The following LPGAT1 variants were observed in gnomAD, a reference collection of about 807,000 sequenced individuals.
The protein encoded by LPGAT1 is lysophosphatidylglycerol acyltransferase 1, also known as acyl-CoA:lysophosphatidylglycerol acyltransferase 1.
In LPGAT1, 11 loss-of-function variants were observed where a neutral mutation model predicts 47.5. That is an observed-to-expected ratio of 0.23 (90% CI 0.15 to 0.38). The LOEUF (loss-of-function observed/expected upper bound fraction) is 0.38, where lower values mean the gene tolerates loss of function less well. Ranked by LOEUF, LPGAT1 falls within the 10% of genes least tolerant of loss-of-function variation. The pLI is 1.00. For missense variants in LPGAT1, 293 were observed against 439.0 expected (o/e 0.67, Z 2.97); for synonymous variants, 138 against 144.2 (o/e 0.96, Z 0.31).
At position 211,749,860 on chromosome 1, in the gene LPGAT1, T is replaced by C; in HGVS notation, c.*39A>G. ...TAATGCACACTTATGAAAGAAAGTC[T>C]GAACTCCTACGGTGACCTTGACAAG... On this transcript the variant is annotated 3_prime_UTR_variant, in exon 8 of 8. Coordinates refer to ENST00000366997, the MANE Select transcript of LPGAT1 (RefSeq NM_014873.3). The C allele has an allele frequency of 6.2e-7, 1 of 1,600,040 alleles. No individual in the cohort carries two copies. The highest frequency in any genetic ancestry group is 8.5e-7 in the Non-Finnish European group (1 of 1,174,078).
At chr1:211,809,127 C>T (rs538416208) in intron 2 of LPGAT1, among the ~76,000 whole-genome samples, 127 of 152,072 alleles carry the variant, frequency 8.4e-4, no homozygotes, top group African/African-American at 2.9e-3. Context: ...ATGGCGTCAA[C>T]CTGGGAGGTG....
At position 211,748,119 on chromosome 1, in the gene LPGAT1, C is replaced by CT. The variant is rs1657016324; in HGVS notation, c.*1779dup. ...TTATTTAAAAATAGAAAACAGCAAC[C>CT]TTTTTTTGTTTTATAGCCTACTTCT... On this transcript the variant is annotated 3_prime_UTR_variant, in exon 8 of 8. Coordinates refer to ENST00000366997, the MANE Select transcript of LPGAT1 (RefSeq NM_014873.3). The CT allele has an allele frequency of 6.6e-6, 1 of 152,112 alleles. No individual in the cohort carries two copies. The highest frequency in any genetic ancestry group is 2.1e-4 in the South Asian group (1 of 4,796). The allele number at this position is 152,112 out of a possible 1,614,324, so 9.4% of individuals were successfully genotyped here.
At chr1:211,801,106 C>A (rs1160517572) in intron 2 of LPGAT1, among the ~76,000 whole-genome samples, 1 of 152,168 alleles carries the variant, frequency 6.6e-6, no homozygotes, top group African/African-American at 2.4e-5. Flanking sequence ...CAAGAACAGA[C>A]AGTTGAAGGG....
chr1:211,774,801 G>A lies in LPGAT1; in HGVS notation c.854+4117C>T, dbSNP rs536310968. Among the ~76,000 whole-genome samples, 31 of 152,068 alleles carry A rather than the reference G, an allele frequency of 2.0e-4. No individual in the cohort carries two copies. In the South Asian group the frequency reaches 4.2e-3, roughly 20 times the overall value. The stretch of plus-strand genomic sequence containing the variant: ...ACATAAGCCTGAGTAGTAAATTAAC[G>A]GAGAAAACTGCTATTGGAAGAAATA... On this transcript the variant is annotated intron_variant, in intron 6 of 7. Transcript: ENST00000366997.
intron 6 of LPGAT1, among the ~76,000 whole-genome samples, chr1:211,777,091 C>A (rs956957366): frequency 2.0e-5 from 3 of 152,110 alleles, no homozygotes; most frequent in African/African-American, 7.2e-5. Flanking sequence ...AACGAAAATT[C>A]TGAATTAAAA....
chr1:211,769,279 C>T (rs1658065377), intron 6 of LPGAT1, among the ~76,000 whole-genome samples: 1 of 152,030 alleles, frequency 6.6e-6, no homozygotes, highest in African/African-American at 2.4e-5. Context: ...AAAAGATTTC[C>T]TGACTGAGTG....
chr1:211,798,095 T>C (rs1659420650), intron 2 of LPGAT1, among the ~76,000 whole-genome samples: 1 of 152,036 alleles, frequency 6.6e-6, no homozygotes, highest in Admixed American at 6.6e-5. Flanking sequence ...TTAACAACAG[T>C]GACACTAAAG....
chr1:211,769,574 C>T (rs528186199), intron 6 of LPGAT1, among the ~76,000 whole-genome samples: 4 of 152,256 alleles, frequency 2.6e-5, no homozygotes, highest in Admixed American at 2.6e-4. Flanking sequence ...AAAAGAATGG[C>T]TACTCCATAG....
At chr1:211,826,468 A>C (rs1014512113) in intron 2 of LPGAT1, among the ~76,000 whole-genome samples, 1 of 152,208 alleles carries the variant, frequency 6.6e-6, no homozygotes, top group Non-Finnish European at 1.5e-5. Flanking sequence ...CCTAGTACTG[A>C]GCACTTGAAA....
chr1:211,769,451 G>A (rs1658071825), intron 6 of LPGAT1, among the ~76,000 whole-genome samples: 1 of 152,036 alleles, frequency 6.6e-6, no homozygotes, highest in Admixed American at 6.6e-5. Flanking sequence ...AGAGTGTTAT[G>A]GGAAAGGGGT....
At chr1:211,806,091 C>T (rs147900776) in intron 2 of LPGAT1, among the ~76,000 whole-genome samples, 3,392 of 152,068 alleles carry the variant, frequency 0.022, 126 homozygotes, top group African/African-American at 0.077. Flanking sequence ...AAAACATCAT[C>T]TCTACTAAAA....
chr1:211,777,305 A>G (rs1352077786), intron 6 of LPGAT1, among the ~76,000 whole-genome samples: 1 of 152,138 alleles, frequency 6.6e-6, no homozygotes, highest in East Asian at 1.9e-4. Context: ...TTTGCTCTCC[A>G]TTTCTGAACA....
At chr1:211,775,726 C>T (rs1010560202) in intron 6 of LPGAT1, among the ~76,000 whole-genome samples, 2 of 151,842 alleles carry the variant, frequency 1.3e-5, no homozygotes, top group Non-Finnish European at 2.9e-5. Context: ...GTCGGGAGTT[C>T]GAGACCAGCC....
chr1:211,810,759 G>A (rs1659958819), intron 2 of LPGAT1, among the ~76,000 whole-genome samples: 1 of 152,160 alleles, frequency 6.6e-6, no homozygotes, highest in Non-Finnish European at 1.5e-5. Context: ...GAAATATGAA[G>A]GGAAGAGATA....
rs1229269243 is a variant in LPGAT1 at position 211,743,719 on chromosome 1, C to T, written c.*6180G>A. On this transcript the variant is annotated 3_prime_UTR_variant, in exon 8 of 8. Coordinates refer to ENST00000366997, the MANE Select transcript of LPGAT1 (RefSeq NM_014873.3). ...TGAGTGCTTCCAATTTGTTTTCAGG[C>T]CTCTGTCCCCAGTCTGTTCCTTGTC... The T allele has an allele frequency of 2.0e-5, 3 of 152,128 alleles. No homozygotes were observed. The highest frequency in any genetic ancestry group is 7.2e-5 in the African/African-American group (3 of 41,428). The allele number at this position is 152,128 out of a possible 1,614,324, so 9.4% of individuals were successfully genotyped here.
At chr1:211,802,694 A>C (rs946169836) in intron 2 of LPGAT1, among the ~76,000 whole-genome samples, 1 of 152,160 alleles carries the variant, frequency 6.6e-6, no homozygotes, top group Non-Finnish European at 1.5e-5. Context: ...TTCAAATAAC[A>C]AGAGTTCCAG....
rs565420917 is a variant in LPGAT1 at position 211,755,677 on chromosome 1, G to A, written c.855-4610C>T. 1.3e-4 allele frequency among the ~76,000 whole-genome samples: 19 copies of A among 150,080 alleles called. No homozygotes were observed. In the South Asian group the frequency reaches 3.8e-3, roughly 30 times the overall value. On this transcript the variant is annotated intron_variant, in intron 6 of 7. Transcript: ENST00000366997. The stretch of plus-strand genomic sequence containing the variant: ...TCCCAGTACTTTGGGAGACTGAGGT[G>A]CAAGACTCCATCTCAAAAAAGAAAA...
At chr1:211,777,795 C>A (rs1351370737) in intron 6 of LPGAT1, among the ~76,000 whole-genome samples, 1 of 152,156 alleles carries the variant, frequency 6.6e-6, no homozygotes, top group Non-Finnish European at 1.5e-5. Context: ...GAGGCTGAGA[C>A]CTACTCGGCT....
At chr1:211,760,746 G>A (rs879813547) in intron 6 of LPGAT1, among the ~76,000 whole-genome samples, 84 of 152,256 alleles carry the variant, frequency 5.5e-4, no homozygotes, top group African/African-American at 1.6e-3. Context: ...ATAAAGCTCC[G>A]CAATTCTTAG....
Sources: gnomAD v4.1 joint callset for allele counts (sites outside exome capture counted in the v4.1 genomes callset) on GRCh38, gnomAD v4.1.1 for gene constraint, MANE v1.5 for transcripts, NCBI Gene and HGNC (gene_info 2026-07-23, HGNC 2026-07-21) for gene names.